SDK2: variants seen among roughly 807,000 people sequenced by gnomAD.
The protein encoded by SDK2 is protein sidekick-2.
Under a neutral mutation model 253.9 loss-of-function variants are expected in SDK2, and 105 were observed. The observed-to-expected ratio is 0.41, with a 90% CI of 0.35 to 0.49. The LOEUF is 0.49. Among genes scored for constraint, SDK2 ranks in the 20% least tolerant of loss-of-function variants. The probability of loss-of-function intolerance (pLI) is 0.06; values close to 1 mark genes in which losing one functional copy is unlikely to be tolerated. For missense variants in SDK2, 2,608 were observed against 3,003.0 expected, an observed-to-expected ratio of 0.87 and a Z score of 3.07; for synonymous variants, 1,249 against 1,234.9, an observed-to-expected ratio of 1.01 and a Z score of -0.24.
chr17:73,567,013 C>T (rs761194138), intron 1 of SDK2, among the ~76,000 whole-genome samples: 14 of 151,932 alleles, frequency 9.2e-5, no homozygotes, highest in African/African-American at 2.4e-4. Flanking sequence ...CATGACTAAA[C>T]GGGAGTCAAG....
chr17:73,351,026 C>T (rs1259295820), intron 41 of SDK2, among the ~76,000 whole-genome samples: 2 of 151,786 alleles, frequency 1.3e-5, no homozygotes, highest in African/African-American at 4.8e-5. Context: ...CTACCTGGCT[C>T]AATAGGAAAG....
At position 73,385,911 on chromosome 17, in the gene SDK2, T is replaced by C. The variant is rs566939609; in HGVS notation, c.4505A>G (p.Asp1502Gly). 8.7e-6 allele frequency: 14 copies of C among 1,603,644 alleles called. No individual in the cohort carries two copies. The East Asian group carries it at 3.1e-4, about 36-fold the overall frequency. ...ESLTTLQAAP[D>G]EAPTILSVTP... Reference sequence around the variant, plus strand: ...CACGGAGAGGATGGTGGGTGCTTCATCGGGGGCTGTGGAGAGAAGCAGACA... The same window carrying C: ...CACGGAGAGGATGGTGGGTGCTTCACCGGGGGCTGTGGAGAGAAGCAGACA... Residue 1502 changes from aspartate (D) to glycine (G), a missense_variant, in exon 32 of 45, where the codon GAT (aspartate) becomes GGT (glycine). Physicochemically the swap from Asp to Gly is moderately conservative, Grantham distance 94. This residue lies in a region of SDK2 where 1,103 missense variants were observed against 1,143.9 expected (regional missense o/e 0.96). Transcript: ENST00000392650.
chr17:73,433,679 G>A, intron 10 of SDK2, 53 bp downstream of exon 10: 1 of 1,364,354 alleles, frequency 7.3e-7, no homozygotes, highest in Admixed American at 2.0e-5. Flanking sequence ...TAGTTCTGAA[G>A]ACTCTTCTAG....
Position 73,483,655 on chromosome 17 carries a change from GTGTGTGTA to G in SDK2, c.225-11445_225-11438del, listed in dbSNP as rs1256016101. Among the ~76,000 whole-genome samples, 67 of 38,804 alleles carry G rather than the reference GTGTGTGTA, an allele frequency of 1.7e-3. 3 individuals carry two copies. Among genetic ancestry groups the G allele is most frequent in the African/African-American group, 5.2e-3 (59 of 11,450 alleles). 25.5% of individuals were successfully genotyped at this position (38,804 alleles called of 152,430 possible). A position where few individuals can be genotyped will look rare whatever the true frequency, so the allele number is the denominator to read the frequency against. On this transcript the variant is annotated intron_variant, in intron 2 of 44. Coordinates refer to ENST00000392650, the MANE Select transcript of SDK2 (RefSeq NM_001144952.2). ...TGTATATATATATGTGTGTGTGTGT[GTGTGTGTA>G]TATATATATATATATATATTTATAT...
At position 73,456,010 on chromosome 17, in the gene SDK2, G is replaced by C; in HGVS notation, c.375C>G (p.Ser125=). ...FEEGEKHQSV[S]HGEAAVIRAP... is the part of the protein sequence containing the mutation. Reference sequence around the variant, plus strand: ...CACGGATGACAGCTGCTTCTCCGTGGGAGACGCTCTGGTGCTTCTCACCTT... The same window carrying C: ...CACGGATGACAGCTGCTTCTCCGTGCGAGACGCTCTGGTGCTTCTCACCTT... The change falls in exon 4 of 45, where the codon TCC becomes TCG. Residue 125 remains serine (S), a synonymous_variant. Coordinates refer to ENST00000392650, the MANE Select transcript of SDK2 (RefSeq NM_001144952.2). The C allele has an allele frequency of 6.5e-7, 1 of 1,543,436 alleles. No homozygotes were observed. Among genetic ancestry groups the C allele is most frequent in the Non-Finnish European group, 8.8e-7 (1 of 1,142,606 alleles).
intron 29 of SDK2, 147 bp downstream of exon 29, chr17:73,390,140 A>G: frequency 1.4e-6 from 1 of 696,350 alleles, no homozygotes; most frequent in South Asian, 2.2e-5. Flanking sequence ...CCCCTTGCTG[A>G]CTTTGACTTC....
chr17:73,390,058 C>T (rs1302094446), intron 29 of SDK2, among the ~76,000 whole-genome samples: 3 of 152,188 alleles, frequency 2.0e-5, no homozygotes, highest in Admixed American at 6.5e-5. Flanking sequence ...CACAAACTTT[C>T]CCTTTAGAAG....
Position 73,338,597 on chromosome 17 carries a change from G to A in SDK2, c.6509C>T (p.Ser2170Leu). The A allele has an allele frequency of 6.6e-7, 1 of 1,516,300 alleles. No individual in the cohort carries two copies. Among genetic ancestry groups the A allele is most frequent in the Non-Finnish European group, 8.8e-7 (1 of 1,137,306 alleles). 93.9% of individuals were successfully genotyped at this position (1,516,300 alleles called of 1,614,324 possible). Reference sequence around the variant, plus strand: ...TTTCCTCTTCTGATGTCAAACAAATGATGAAAATCCTGCTATGGGAGCCCG... The same window carrying A: ...TTTCCTCTTCTGATGTCAAACAAATAATGAAAATCCTGCTATGGGAGCCCG... ...GSRAPIAGFSSFV is the reference protein window; with the variant it reads ...GSRAPIAGFSLFV The change falls in exon 45 of 45, where the codon TCA becomes TTA. Residue 2170 changes from serine (S) to leucine (L), a missense_variant. Transcript: ENST00000392650. The surrounding 1 kb of genome is among the most constrained non-coding windows in gnomAD (Gnocchi z 5.0).
chr17:73,442,899 T>G (rs1036680197), intron 5 of SDK2, among the ~76,000 whole-genome samples: 1 of 145,872 alleles, frequency 6.9e-6, no homozygotes, highest in African/African-American at 2.5e-5. Flanking sequence ...ATATTTTGAG[T>G]TTTTTTTTTT....
chr17:73,388,078 G>A, intron 29 of SDK2, 41 bp from the exon 30 acceptor site: 2 of 1,436,694 alleles, frequency 1.4e-6, no homozygotes, highest in Non-Finnish European at 9.5e-7. Context: ...GAGTGGGCCA[G>A]GCCATGGTGG....
intron 24 of SDK2, among the ~76,000 whole-genome samples, chr17:73,396,571 A>G (rs1035519485): frequency 9.2e-5 from 14 of 152,186 alleles, no homozygotes; most frequent in Admixed American, 2.6e-4. Flanking sequence ...TTAAGATAGC[A>G]ATCGATGGTC....
intron 44 of SDK2, among the ~76,000 whole-genome samples, chr17:73,345,469 A>G (rs1287304260): frequency 9.9e-5 from 15 of 152,210 alleles, no homozygotes; most frequent in Admixed American, 9.8e-4. Flanking sequence ...ATTATAACGC[A>G]ACATTCATTA....
Position 73,338,315 on chromosome 17 carries a change from C to G in SDK2, c.*272G>C, listed in dbSNP as rs928085642. 5 of 607,718 alleles carry G rather than the reference C, an allele frequency of 8.2e-6. No individual in the cohort carries two copies. Among genetic ancestry groups the G allele is most frequent in the African/African-American group, 1.8e-5 (1 of 55,018 alleles). The allele number at this position is 607,718 out of a possible 1,614,324, so 37.6% of individuals were successfully genotyped here. A position where few individuals can be genotyped will look rare whatever the true frequency, so the allele number is the denominator to read the frequency against. On this transcript the variant is annotated 3_prime_UTR_variant, in exon 45 of 45. Transcript: ENST00000392650. The surrounding 1 kb of genome is among the most constrained non-coding windows in gnomAD (Gnocchi z 5.0). ...CCACTCCGTGTCCATAGCAGTGACA[C>G]AGCCACTTCCCCAGCTCCGTGTAAT... is the stretch of plus-strand genomic sequence containing the variant.
At position 73,410,708 on chromosome 17, in the gene SDK2, C is replaced by T. The variant is rs1429832043; in HGVS notation, c.2484+3936G>A. Among the ~76,000 whole-genome samples, 7 of 152,192 alleles carry T rather than the reference C, an allele frequency of 4.6e-5. 1 individual carries two copies. The highest frequency in any genetic ancestry group is 2.6e-4 in the Admixed American group (4 of 15,286). On this transcript the variant is annotated intron_variant, in intron 18 of 44. Coordinates refer to ENST00000392650, the MANE Select transcript of SDK2 (RefSeq NM_001144952.2). ...TGTACTGCCTGGCCCAGAGAAAGGG[C>T]CCTGTAAGTGTGAGGTCTCCTTACT...
intron 5 of SDK2, among the ~76,000 whole-genome samples, chr17:73,442,532 G>A (rs2063423769): frequency 6.6e-6 from 1 of 152,046 alleles, no homozygotes; most frequent in African/African-American, 2.4e-5. Context: ...GTAGAGACGG[G>A]GTTTCACTAT....
At chr17:73,390,986 C>G (rs1194554507) in intron 28 of SDK2, among the ~76,000 whole-genome samples, 1 of 152,202 alleles carries the variant, frequency 6.6e-6, no homozygotes, top group Non-Finnish European at 1.5e-5. Context: ...TAGACTTGCT[C>G]AAGTTCACGC....
intron 2 of SDK2, among the ~76,000 whole-genome samples, chr17:73,483,557 GTATATGTATA>G (rs1418110135): frequency 4.4e-5 from 6 of 136,372 alleles, no homozygotes; most frequent in African/African-American, 1.7e-4. Context: ...ATGTATATGT[GTATATGTATA>G]TATATGTATG....
chr17:73,348,567 C>A, intron 44 of SDK2, 32 bp downstream of exon 44: 10 of 1,607,228 alleles, frequency 6.2e-6, no homozygotes, highest in Non-Finnish European at 8.5e-6. Context: ...GCTCCCTGCC[C>A]CCTGCAGGAC....
At chr17:73,411,702 G>A (rs1372468123) in intron 18 of SDK2, among the ~76,000 whole-genome samples, 2 of 152,076 alleles carry the variant, frequency 1.3e-5, no homozygotes, top group Non-Finnish European at 2.9e-5. Context: ...TGAGGTCTGT[G>A]TTCCAGGATG....
Sources: gnomAD v4.1 joint callset for allele counts (sites outside exome capture counted in the v4.1 genomes callset) on GRCh38, gnomAD v4.1.1 for gene constraint, gnomAD v4.1.1 regional missense constraint, Gnocchi (gnomAD v3.1) non-coding constraint, MANE v1.5 for transcripts, NCBI Gene and HGNC (gene_info 2026-07-23, HGNC 2026-07-21) for gene names.